Variants in ADAM12 observed in about 807,000 individuals in gnomAD.
ADAM12 encodes disintegrin and metalloproteinase domain-containing protein 12.
In ADAM12, 70 loss-of-function variants were observed where a neutral mutation model predicts 106.4. The ratio of observed to expected loss-of-function variants is 0.66; its 90% confidence interval spans 0.54 to 0.80. ADAM12 has a LOEUF of 0.80. Among genes scored for constraint, ADAM12 ranks in the 30% least tolerant of loss-of-function variants. The pLI is 0.00. For synonymous variants in ADAM12, 420 were observed against 433.5 expected (o/e 0.97, Z 0.39); for missense variants, 1,010 against 1,171.9 (o/e 0.86, Z 2.02).
chr10:126,319,189 C>T (rs1854004946), intron 2 of ADAM12, among the ~76,000 whole-genome samples: 1 of 152,106 alleles, frequency 6.6e-6, no homozygotes, highest in African/African-American at 2.4e-5. Flanking sequence ...CATGAGAATT[C>T]CAAATAATGG....
rs1953674725 is a variant in ADAM12, at chr10:126,017,132, A to C, written c.*147T>G. 1 of 685,394 alleles carries C rather than the reference A, an allele frequency of 1.5e-6. No homozygotes were observed. 42.5% of individuals were successfully genotyped at this position (685,394 alleles called of 1,614,324 possible). On this transcript the variant is annotated 3_prime_UTR_variant, in exon 23 of 23. Coordinates refer to ENST00000448723, the MANE Select transcript of ADAM12 (RefSeq NM_001288973.2). Reference sequence around the variant, plus strand: ...TAGACAGAGCACCATAGCACAGCACAGCACTGACGGCAGTAGCTCAAAGTT... The same window carrying C: ...TAGACAGAGCACCATAGCACAGCACCGCACTGACGGCAGTAGCTCAAAGTT...
rs1181789336 is a variant in ADAM12, at chr10:126,012,564, T to C, written c.*4715A>G. On this transcript the variant is annotated 3_prime_UTR_variant, in exon 23 of 23. Coordinates refer to ENST00000448723, the MANE Select transcript of ADAM12 (RefSeq NM_001288973.2). Reference sequence around the variant, plus strand: ...AGCAAACCAAAGCATGATAAATGGATGAAGCACTATAAAATTACTTTGCTG... The same window carrying C: ...AGCAAACCAAAGCATGATAAATGGACGAAGCACTATAAAATTACTTTGCTG... 1 of 152,068 alleles carries C rather than the reference T, an allele frequency of 6.6e-6. No homozygotes were observed. The highest frequency in any genetic ancestry group is 1.5e-5 in the Non-Finnish European group (1 of 68,038). The allele number at this position is 152,068 out of a possible 1,614,324, so 9.4% of individuals were successfully genotyped here. A position where few individuals can be genotyped will look rare whatever the true frequency, so the allele number is the denominator to read the frequency against.
intron 3 of ADAM12, among the ~76,000 whole-genome samples, chr10:126,166,444 G>C (rs1957024916): frequency 6.6e-6 from 1 of 152,140 alleles, no homozygotes; most frequent in African/African-American, 2.4e-5. Context: ...ACTAGATACA[G>C]TTTGCAAGTC....
chr10:126,352,824 T>C (rs954097981), intron 1 of ADAM12, among the ~76,000 whole-genome samples: 3 of 152,244 alleles, frequency 2.0e-5, no homozygotes, highest in Admixed American at 2.0e-4. Context: ...GTCACCACCA[T>C]GGCAGTGATG....
At chr10:126,244,279 T>TGTGTTTAAGGC (rs1958586814) in intron 3 of ADAM12, among the ~76,000 whole-genome samples, 1 of 152,088 alleles carries the variant, frequency 6.6e-6, no homozygotes, top group African/African-American at 2.4e-5. Flanking sequence ...GATCAGACAA[T>TGTGTTTAAGGC]CGGGGAAAAC....
intron 11 of ADAM12, among the ~76,000 whole-genome samples, chr10:126,080,680 G>C (rs769695432): frequency 6.6e-6 from 1 of 151,384 alleles, no homozygotes; most frequent in Non-Finnish European, 1.5e-5. Flanking sequence ...CTTGAGGCAA[G>C]TTTACCATGT....
At chr10:126,331,056 T>TA (rs1034066274) in intron 1 of ADAM12, among the ~76,000 whole-genome samples, 5 of 152,220 alleles carry the variant, frequency 3.3e-5, no homozygotes, top group African/African-American at 9.6e-5. Context: ...GTTTATGTTT[T>TA]AAAAAAATCA....
In ADAM12 at chr10:126,194,521, G is replaced by C. The variant is rs571557290; in HGVS notation, c.261-39216C>G. On this transcript the variant is annotated intron_variant, in intron 3 of 22. Transcript: ENST00000448723. ...AGTCTCCAATTCTCAGAGACCCCTG[G>C]TGTTGACTTACAATATTTTTATCCC... 5.3e-5 allele frequency among the ~76,000 whole-genome samples: 8 copies of C among 152,298 alleles called. No individual in the cohort carries two copies. In the South Asian group the frequency reaches 1.5e-3, roughly 28 times the overall value.
chr10:126,338,210 C>T (rs1383018181), intron 1 of ADAM12, among the ~76,000 whole-genome samples: 1 of 150,104 alleles, frequency 6.7e-6, no homozygotes, highest in Non-Finnish European at 1.5e-5. Context: ...TGCCTCCCAG[C>T]TGTGGGGAGC....
intron 2 of ADAM12, among the ~76,000 whole-genome samples, chr10:126,322,383 T>C (rs571880341): frequency 1.3e-5 from 2 of 152,298 alleles, no homozygotes; most frequent in African/African-American, 4.8e-5. Flanking sequence ...TTCCACATCT[T>C]TTCTCACCGT....
At chr10:126,266,134 A>G (rs1959092129) in intron 3 of ADAM12, among the ~76,000 whole-genome samples, 1 of 152,188 alleles carries the variant, frequency 6.6e-6, no homozygotes, top group African/African-American at 2.4e-5. Context: ...CCTAATCTGT[A>G]GCCAGGCCAG....
intron 1 of ADAM12, 39 bp from the exon 2 acceptor site, chr10:126,330,548 T>C (rs1854476313): frequency 6.4e-7 from 1 of 1,556,914 alleles, no homozygotes. Context: ...TTCACTCTAG[T>C]CAGGAAGAGT....
chr10:126,250,159 A>G (rs2133679784), intron 3 of ADAM12, among the ~76,000 whole-genome samples: 1 of 152,320 alleles, frequency 6.6e-6, no homozygotes, highest in Middle Eastern at 3.4e-3. Flanking sequence ...AAGTCCTCGC[A>G]TGAGGTTTCT....
intron 1 of ADAM12, among the ~76,000 whole-genome samples, chr10:126,384,157 TAAAA>T (rs1856579394): frequency 6.6e-6 from 1 of 152,054 alleles, no homozygotes; most frequent in Non-Finnish European, 1.5e-5. Context: ...CAGATAGAAA[TAAAA>T]GAAAGTGCTT....
intron 1 of ADAM12, among the ~76,000 whole-genome samples, chr10:126,340,416 A>G (rs1392431102): frequency 6.6e-6 from 1 of 152,214 alleles, no homozygotes; most frequent in African/African-American, 2.4e-5. Flanking sequence ...TGTGATATTT[A>G]TCCCCATCTC....
intron 5 of ADAM12, among the ~76,000 whole-genome samples, chr10:126,127,306 A>G (rs113852856): frequency 3.9e-5 from 6 of 152,344 alleles, no homozygotes; most frequent in African/African-American, 1.4e-4. Context: ...TGCAAAGGTG[A>G]AGGTCAAAGT....
intron 3 of ADAM12, among the ~76,000 whole-genome samples, chr10:126,158,170 G>A (rs1185242826): frequency 6.6e-6 from 1 of 151,742 alleles, no homozygotes; most frequent in Non-Finnish European, 1.5e-5. Context: ...AGAGGAACAG[G>A]CAGAAGGATG....
At chr10:126,051,816 C>T (rs984741899) in intron 14 of ADAM12, among the ~76,000 whole-genome samples, 1 of 152,128 alleles carries the variant, frequency 6.6e-6, no homozygotes, top group Non-Finnish European at 1.5e-5. Context: ...CAAGGAGACA[C>T]AGAAAAAAGA....
chr10:126,209,484 G>A (rs1957859833), intron 3 of ADAM12, among the ~76,000 whole-genome samples: 1 of 152,150 alleles, frequency 6.6e-6, no homozygotes, highest in African/African-American at 2.4e-5. Flanking sequence ...TCACTGGGGT[G>A]TCCTATTGTC....
Sources: allele counts gnomAD v4.1 joint callset (sites outside exome capture counted in the v4.1 genomes callset), GRCh38; gene constraint gnomAD v4.1.1; transcripts MANE v1.5; gene names NCBI Gene and HGNC (gene_info 2026-07-23, HGNC 2026-07-21).